The following HDGFL2 variants were observed in gnomAD, a reference collection of about 807,000 sequenced individuals.
The protein encoded by HDGFL2 is hepatoma-derived growth factor-related protein 2.
A neutral mutation model predicts 77.1 loss-of-function variants in HDGFL2; 36 were observed. The ratio of observed to expected loss-of-function variants is 0.47; its 90% CI spans 0.36 to 0.62. HDGFL2 has a LOEUF of 0.62. Among genes scored for constraint, HDGFL2 ranks in the 20% least tolerant of loss-of-function variants. The probability of loss-of-function intolerance (pLI) is 0.00; values close to 1 mark genes in which losing one functional copy is unlikely to be tolerated. For missense variants in HDGFL2, 976 were observed against 973.4 expected, an observed-to-expected ratio of 1.00 and a Z score of -0.04; for synonymous variants, 463 against 413.1, an observed-to-expected ratio of 1.12 and a Z score of -1.46.
At chr19:4,498,721 A>G (rs1975775288) in intron 12 of HDGFL2, 93 bp from the exon 13 acceptor site, 1 of 800,554 alleles carries the variant, frequency 1.2e-6, no homozygotes, top group African/African-American at 1.7e-5. Context: ...CCTCAAGGAG[A>G]GCCCAGGATG....
At chr19:4,491,282 C>CCCACCCCA (rs1975504683) in intron 4 of HDGFL2, among the ~76,000 whole-genome samples, 1 of 128,166 alleles carries the variant, frequency 7.8e-6, no homozygotes. Context: ...CCCCCACCCC[C>CCCACCCCA]CCCGGCGCAG....
In HDGFL2 at chr19:4,502,029, C is replaced by CA. The variant is rs1457339364; in HGVS notation, c.*20dup. 41 of 1,511,034 alleles carry CA rather than the reference C, an allele frequency of 2.7e-5. No homozygotes were observed. The highest frequency in any genetic ancestry group is 3.4e-5 in the Non-Finnish European group (38 of 1,128,996). The allele number at this position is 1,511,034 out of a possible 1,614,324, so 93.6% of individuals were successfully genotyped here. On this transcript the variant is annotated 3_prime_UTR_variant, in exon 16 of 16. Coordinates refer to ENST00000616600, the MANE Select transcript of HDGFL2 (RefSeq NM_001001520.3). ...GAGCTGAGCCGCGGGCAGCCAGGCC[C>CA]AGCCCCCGCCCGAGCTCAGGCTGCC...
Position 4,501,179 on chromosome 19 carries a change from T to C in HDGFL2, c.1790-12T>C. 6.2e-7 allele frequency: 1 copy of C among 1,612,952 alleles called. No individual in the cohort carries two copies. On this transcript the variant is annotated splice_polypyrimidine_tract_variant and intron_variant, in intron 14 of 15. Coordinates refer to ENST00000616600, the MANE Select transcript of HDGFL2 (RefSeq NM_001001520.3). ...GCCCAGCAGTGTCCTGTGACCCCTC[T>C]GTCCCACCCAGATCTCTCAGCCCCA...
At chr19:4,474,662 C>A (rs1187627002) in intron 1 of HDGFL2, among the ~76,000 whole-genome samples, 1 of 152,126 alleles carries the variant, frequency 6.6e-6, no homozygotes, top group Admixed American at 6.6e-5. Context: ...CAGCTCTCTT[C>A]TTCCCAGAGC....
chr19:4,498,440 A>G, intron 12 of HDGFL2, 64 bp downstream of exon 12: 1 of 1,349,648 alleles, frequency 7.4e-7, no homozygotes, highest in Non-Finnish European at 1.1e-6. Flanking sequence ...AGGCTCCCTT[A>G]GATGTCTCGG....
rs897742455 is a variant in HDGFL2, at chr19:4,475,699, G to C, written c.288+116G>C. On this transcript the variant is annotated intron_variant, in intron 3 of 15. Transcript: ENST00000616600. ...CACATGGGGCTCGATCGTTCCCTGT[G>C]GTGGGGCATTCTGGGCCCTGCAGGT... The C allele has an allele frequency of 9.3e-6, 12 of 1,295,888 alleles. No individual in the cohort carries two copies. The East Asian group carries it at 1.8e-4, about 20-fold the overall frequency. The allele number at this position is 1,295,888 out of a possible 1,614,324, so 80.3% of individuals were successfully genotyped here. A position where few individuals can be genotyped will look rare whatever the true frequency, so the allele number is the denominator to read the frequency against.
At chr19:4,485,383 T>C (rs1276932925) in intron 3 of HDGFL2, among the ~76,000 whole-genome samples, 1 of 152,194 alleles carries the variant, frequency 6.6e-6, no homozygotes. Flanking sequence ...CCTATTGTTA[T>C]ACCACGTTTG....
intron 10 of HDGFL2, 36 bp from the exon 11 acceptor site, chr19:4,497,922 T>C (rs1369073826): frequency 4.6e-6 from 7 of 1,538,440 alleles, no homozygotes; most frequent in Non-Finnish European, 6.2e-6. Flanking sequence ...AGAGTGCCGG[T>C]GACGGGGCCC....
In HDGFL2 at chr19:4,493,642, G is replaced by A. The variant is rs564540027; in HGVS notation, c.679-61G>A. 87 of 1,386,892 alleles carry A rather than the reference G, an allele frequency of 6.3e-5. No homozygotes were observed. In the African/African-American group the frequency reaches 1.2e-3, roughly 19 times the overall value. 85.9% of individuals were successfully genotyped at this position (1,386,892 alleles called of 1,614,324 possible). A position where few individuals can be genotyped will look rare whatever the true frequency, so the allele number is the denominator to read the frequency against. ...GGGTGCGGGAGCCTCCTCTGGCCTG[G>A]TGCGCCCCGCTTCTCACGGTGGGGC... On this transcript the variant is annotated intron_variant, in intron 6 of 15. Transcript: ENST00000616600.
At chr19:4,493,593 G>A (rs1975606814) in intron 6 of HDGFL2, 110 bp from the exon 7 acceptor site, 2 of 1,264,038 alleles carry the variant, frequency 1.6e-6, no homozygotes, top group Non-Finnish European at 2.0e-6. Flanking sequence ...CTGAGCCGAG[G>A]CCCGCAGAGC....
Position 4,499,447 on chromosome 19 carries a change from G to C in HDGFL2, c.1576-44G>C, listed in dbSNP as rs1975795814. 5 of 1,579,972 alleles carry C rather than the reference G, an allele frequency of 3.2e-6. No homozygotes were observed. The East Asian group carries it at 1.1e-4, about 36-fold the overall frequency. On this transcript the variant is annotated intron_variant, in intron 13 of 15. Transcript: ENST00000616600. ...CGAGGGGTTCAGAGCCGGGGCTAGG[G>C]CCGCTGCACTTGGGTGAGCCAGGCC...
chr19:4,482,586 C>A (rs1302343381), intron 3 of HDGFL2, among the ~76,000 whole-genome samples: 1 of 152,184 alleles, frequency 6.6e-6, no homozygotes, highest in African/African-American at 2.4e-5. Flanking sequence ...GATCCTCCTT[C>A]CTTGGCCTCC....
chr19:4,501,492 C>T (rs1172151851), intron 15 of HDGFL2, 175 bp downstream of exon 15: 18 of 685,574 alleles, frequency 2.6e-5, no homozygotes, highest in Non-Finnish European at 4.1e-5. Flanking sequence ...GCTGGCACTT[C>T]CGGCGGCCCC....
chr19:4,474,413 C>G (rs923839306), intron 1 of HDGFL2, among the ~76,000 whole-genome samples: 2 of 152,040 alleles, frequency 1.3e-5, no homozygotes, highest in African/African-American at 4.8e-5. Context: ...CTGGGCCTGG[C>G]GGCCCATGGC....
rs997943931 is a variant in HDGFL2, at chr19:4,502,068, G to C, written c.*58G>C. On this transcript the variant is annotated 3_prime_UTR_variant, in exon 16 of 16. Coordinates refer to ENST00000616600, the MANE Select transcript of HDGFL2 (RefSeq NM_001001520.3). ...GCTCAGGCTGCCCCTCTCCTTCCCCGGCTCGCAGGAGAGCAGAGCAGAGAA... is the reference window on the plus strand; with the variant it reads ...GCTCAGGCTGCCCCTCTCCTTCCCCCGCTCGCAGGAGAGCAGAGCAGAGAA... The C allele has an allele frequency of 8.2e-7, 1 of 1,214,988 alleles. No individual in the cohort carries two copies. The highest frequency in any genetic ancestry group is 2.0e-5 in the Admixed American group (1 of 50,052). 75.3% of individuals were successfully genotyped at this position (1,214,988 alleles called of 1,614,324 possible).
intron 3 of HDGFL2, among the ~76,000 whole-genome samples, chr19:4,486,200 C>G (rs1975359718): frequency 6.6e-6 from 1 of 152,052 alleles, no homozygotes; most frequent in Admixed American, 6.6e-5. Flanking sequence ...CTGCTTGGTG[C>G]CTGTGCTGGG....
Position 4,502,111 on chromosome 19 carries a change from C to A in HDGFL2, c.*101C>A. Reference sequence around the variant, plus strand: ...GCAGAGAACTGTGGGGAACGCTGTGCTGTTTGTATTTGTTCCCTTGGGTTT... The same window carrying A: ...GCAGAGAACTGTGGGGAACGCTGTGATGTTTGTATTTGTTCCCTTGGGTTT... On this transcript the variant is annotated 3_prime_UTR_variant, in exon 16 of 16. Transcript: ENST00000616600. 1 of 857,820 alleles carries A rather than the reference C, an allele frequency of 1.2e-6. No homozygotes were observed. The highest frequency in any genetic ancestry group is 2.6e-5 in the East Asian group (1 of 37,846). The allele number at this position is 857,820 out of a possible 1,614,324, so 53.1% of individuals were successfully genotyped here.
In HDGFL2 at chr19:4,496,385, CGAG is replaced by C. The variant is rs1975703215; in HGVS notation, c.1312_1314del (p.Glu438del). On this transcript the variant is annotated inframe_deletion, in exon 10 of 16. Coordinates refer to ENST00000616600, the MANE Select transcript of HDGFL2 (RefSeq NM_001001520.3). Reference sequence around the variant, plus strand: ...GCCAGAAGGAGAAGAGAGTGCGGCCCGAGGAGAAGCAACAAGCCAAGTGAGCCC... The same window carrying C: ...GCCAGAAGGAGAAGAGAGTGCGGCCCGAGAAGCAACAAGCCAAGTGAGCCC... 1.2e-6 allele frequency: 2 copies of C among 1,613,636 alleles called. No individual in the cohort carries two copies. The highest frequency in any genetic ancestry group is 2.7e-5 in the African/African-American group (2 of 74,902).
intron 3 of HDGFL2, among the ~76,000 whole-genome samples, chr19:4,478,775 G>A (rs558285159): frequency 6.6e-6 from 1 of 151,676 alleles, no homozygotes; most frequent in East Asian, 2.0e-4. Context: ...TCTGTCTCCT[G>A]GGTTTAAGTG....
Sources: gnomAD v4.1 joint callset for allele counts (sites outside exome capture counted in the v4.1 genomes callset) on GRCh38, gnomAD v4.1.1 for gene constraint, MANE v1.5 for transcripts, NCBI Gene and HGNC (gene_info 2026-07-23, HGNC 2026-07-21) for gene names.